CHCHD6: variants seen among roughly 807,000 people sequenced by gnomAD.
CHCHD6 encodes the protein MICOS complex subunit MIC25.
Under a neutral mutation model 32.3 loss-of-function variants are expected in CHCHD6, and 28 were observed. The observed-to-expected ratio is 0.87, with a 90% CI of 0.64 to 1.19. The LOEUF (loss-of-function observed/expected upper bound fraction) is 1.19. Ranked by LOEUF, CHCHD6 falls within the 50% of genes most tolerant of loss-of-function variation. The probability of loss-of-function intolerance (pLI) is 0.00; values close to 1 mark genes in which losing one functional copy is unlikely to be tolerated. For synonymous variants in CHCHD6, 122 were observed against 117.5 expected (o/e 1.04, Z -0.25); for missense variants, 333 against 307.0 (o/e 1.08, Z -0.63).
At chr3:126,762,172 T>A (rs1204023896) in intron 4 of CHCHD6, among the ~76,000 whole-genome samples, 1 of 152,188 alleles carries the variant, frequency 6.6e-6, no homozygotes, top group East Asian at 1.9e-4. Context: ...TCTTTATTAT[T>A]TCCTTCCTTT....
In CHCHD6 at chr3:126,727,167, C is replaced by A; in HGVS notation, c.177C>A (p.Asn59Lys). ...CTACCTTTGGCCTTCAAGATGGCAA[C>A]TTGAGAGCCCCTCACAAAGGTATGG... ...TSSTFGLQDGNLRAPHKESTL... is the reference protein window; with the variant it reads ...TSSTFGLQDGKLRAPHKESTL... Residue 59 changes from asparagine to lysine, a missense_variant, in exon 2 of 8, where the codon AAC (asparagine) becomes AAA (lysine). Asn to Lys is a moderately conservative substitution (Grantham distance 94, BLOSUM62 0). Coordinates refer to ENST00000290913, the MANE Select transcript of CHCHD6 (RefSeq NM_032343.3). 1 of 1,611,072 alleles carries A rather than the reference C, an allele frequency of 6.2e-7. No individual in the cohort carries two copies. The highest frequency in any genetic ancestry group is 8.5e-7 in the Non-Finnish European group (1 of 1,177,232).
chr3:126,723,380 C>A (rs949149436), intron 1 of CHCHD6, among the ~76,000 whole-genome samples: 3 of 152,266 alleles, frequency 2.0e-5, no homozygotes, highest in Admixed American at 1.3e-4. Context: ...CTTTGCTAAG[C>A]AGTTTTGTAG....
chr3:126,893,319 A>G (rs747579678), intron 5 of CHCHD6, among the ~76,000 whole-genome samples: 10 of 152,168 alleles, frequency 6.6e-5, no homozygotes, highest in Non-Finnish European at 1.3e-4. Flanking sequence ...GTAAATAATT[A>G]TTTGGATTCC....
intron 4 of CHCHD6, among the ~76,000 whole-genome samples, chr3:126,829,620 AT>A (rs1940549743): frequency 6.6e-6 from 1 of 151,920 alleles, no homozygotes; most frequent in Non-Finnish European, 1.5e-5. Context: ...TGGGGCCTCC[AT>A]GGTAGGATTA....
intron 5 of CHCHD6, among the ~76,000 whole-genome samples, chr3:126,903,353 C>G (rs567705731): frequency 6.6e-6 from 1 of 152,150 alleles, no homozygotes; most frequent in Non-Finnish European, 1.5e-5. Context: ...GTCCCTTAAC[C>G]CTGGAATTCC....
At chr3:126,921,212 T>C (rs2078241855) in intron 6 of CHCHD6, among the ~76,000 whole-genome samples, 2 of 152,134 alleles carry the variant, frequency 1.3e-5, no homozygotes, top group Non-Finnish European at 2.9e-5. Context: ...GAGGCCTGGA[T>C]CAAGCCCAGC....
At chr3:126,881,080 A>G (rs1024068603) in intron 5 of CHCHD6, among the ~76,000 whole-genome samples, 3 of 152,236 alleles carry the variant, frequency 2.0e-5, no homozygotes, top group Admixed American at 2.0e-4. Context: ...GTATGGGAGG[A>G]CACAGTCTGT....
At chr3:126,823,719 C>G (rs917898155) in intron 4 of CHCHD6, among the ~76,000 whole-genome samples, 2 of 152,130 alleles carry the variant, frequency 1.3e-5, no homozygotes, top group Non-Finnish European at 2.9e-5. Flanking sequence ...CCTTGTTCCA[C>G]TGGCTGGAAC....
intron 4 of CHCHD6, among the ~76,000 whole-genome samples, chr3:126,794,795 C>T (rs1480045893): frequency 1.3e-5 from 2 of 152,078 alleles, no homozygotes; most frequent in Non-Finnish European, 2.9e-5. Flanking sequence ...TTGTGTTCAC[C>T]TCTGATGTCC....
chr3:126,791,407 C>G (rs187390444), intron 4 of CHCHD6, among the ~76,000 whole-genome samples: 1 of 152,366 alleles, frequency 6.6e-6, no homozygotes, highest in East Asian at 1.9e-4. Flanking sequence ...TTCGGCTATG[C>G]CCTGCCCCCA....
At chr3:126,816,711 T>A (rs995542837) in intron 4 of CHCHD6, among the ~76,000 whole-genome samples, 4 of 152,164 alleles carry the variant, frequency 2.6e-5, no homozygotes, top group Non-Finnish European at 5.9e-5. Flanking sequence ...TTTATTTTTT[T>A]ATATATTTTT....
chr3:126,812,731 C>T (rs754705178), intron 4 of CHCHD6, among the ~76,000 whole-genome samples: 2 of 152,078 alleles, frequency 1.3e-5, no homozygotes, highest in Admixed American at 6.6e-5. Flanking sequence ...CGTGCCCGGC[C>T]GCATCTCCAT....
intron 5 of CHCHD6, among the ~76,000 whole-genome samples, chr3:126,907,973 C>G (rs1009497315): frequency 7.9e-5 from 12 of 152,146 alleles, no homozygotes; most frequent in African/African-American, 1.2e-4. Flanking sequence ...AGTTGTGACA[C>G]CCAGAGTAGG....
At chr3:126,866,974 A>T (rs1056520865) in intron 5 of CHCHD6, among the ~76,000 whole-genome samples, 1 of 152,120 alleles carries the variant, frequency 6.6e-6, no homozygotes, top group African/African-American at 2.4e-5. Context: ...TTTTGGTGTA[A>T]GTCAGGATCC....
rs142193934 is a variant in CHCHD6 at position 126,927,965 on chromosome 3, G to A, written c.566+13215G>A. Among the ~76,000 whole-genome samples the A allele has an allele frequency of 3.8e-3, 583 of 152,328 alleles. 6 individuals carry two copies. Among genetic ancestry groups the A allele is most frequent in the African/African-American group, 0.012 (507 of 41,574 alleles). On this transcript the variant is annotated intron_variant, in intron 6 of 7. Transcript: ENST00000290913. ...TTTCCATCCGCAAGGCAGAGCTGAC[G>A]CACCCCTGCAAGATGCCCCATGTGG...
chr3:126,715,850 G>A (rs1934986430), intron 1 of CHCHD6, among the ~76,000 whole-genome samples: 1 of 152,096 alleles, frequency 6.6e-6, no homozygotes, highest in African/African-American at 2.4e-5. Context: ...GTGGATACAA[G>A]TGCACTCTTT....
chr3:126,900,680 C>T (rs1328066367), intron 5 of CHCHD6, among the ~76,000 whole-genome samples: 3 of 148,492 alleles, frequency 2.0e-5, no homozygotes, highest in African/African-American at 5.0e-5. Context: ...TCTCAGCTCA[C>T]TGCAACCTCC....
At chr3:126,710,742 T>C (rs1934711728) in intron 1 of CHCHD6, among the ~76,000 whole-genome samples, 1 of 152,338 alleles carries the variant, frequency 6.6e-6, no homozygotes, top group Non-Finnish European at 1.5e-5. Flanking sequence ...TTGTTGCTAA[T>C]GTATAGAAAT....
At chr3:126,859,722 G>A (rs1253300568) in intron 5 of CHCHD6, among the ~76,000 whole-genome samples, 3 of 152,184 alleles carry the variant, frequency 2.0e-5, no homozygotes, top group African/African-American at 7.2e-5. Context: ...GATAGATGAA[G>A]TCAGGTCTGC....
Sources: gnomAD v4.1 joint callset for allele counts (sites outside exome capture counted in the v4.1 genomes callset) on GRCh38, gnomAD v4.1.1 for gene constraint, MANE v1.5 for transcripts, NCBI Gene and HGNC (gene_info 2026-07-23, HGNC 2026-07-21) for gene names.